Variants in PHF21A observed in about 807,000 individuals in gnomAD.
The protein encoded by PHF21A is PHD finger protein 21A.
In PHF21A, 11 loss-of-function variants were observed where a neutral mutation model predicts 82.5. The observed-to-expected ratio is 0.13, with a 90% CI of 0.08 to 0.22. The LOEUF (loss-of-function observed/expected upper bound fraction) is 0.22. Among genes scored for constraint, PHF21A ranks in the 10% least tolerant of loss-of-function variants. PHF21A has a pLI of 1.00. For missense variants in PHF21A, 579 were observed against 837.8 expected (o/e 0.69, Z 3.81); for synonymous variants, 297 against 302.8 (o/e 0.98, Z 0.20).
intron 18 of PHF21A, chr11:45,934,436 G>A (rs540930082): frequency 1.8e-6 from 1 of 545,120 alleles, no homozygotes; most frequent in South Asian, 2.5e-5. Flanking sequence ...GGGGGTCCCA[G>A]GTCCCAGAGG....
chr11:45,979,252 C>A (rs2094177517), intron 7 of PHF21A, among the ~76,000 whole-genome samples: 1 of 152,098 alleles, frequency 6.6e-6, no homozygotes, highest in South Asian at 2.1e-4. Context: ...CTCCTGACCT[C>A]AAGTGATCTG....
At chr11:45,997,059 C>A (rs2094932250) in intron 6 of PHF21A, among the ~76,000 whole-genome samples, 1 of 152,176 alleles carries the variant, frequency 6.6e-6, no homozygotes, top group Non-Finnish European at 1.5e-5. Flanking sequence ...AAAACTATCA[C>A]AAAATCTTGG....
At chr11:45,998,792 T>C (rs1025314270) in intron 6 of PHF21A, among the ~76,000 whole-genome samples, 2 of 150,318 alleles carry the variant, frequency 1.3e-5, no homozygotes, top group African/African-American at 4.9e-5. Flanking sequence ...GATGCTGGGA[T>C]TACAGGCATG....
chr11:45,979,997 A>T, intron 6 of PHF21A, 31 bp from the exon 7 acceptor site: 1 of 1,613,474 alleles, frequency 6.2e-7, no homozygotes. Context: ...GAAATAAAAG[A>T]TATTAGAATA....
Position 45,935,508 on chromosome 11 carries a change from A to G in PHF21A, c.1788+128T>C, listed in dbSNP as rs1253010701. 3 of 697,082 alleles carry G rather than the reference A, an allele frequency of 4.3e-6. No individual in the cohort carries two copies. The African/African-American group carries it at 5.3e-5, about 12-fold the overall frequency. The allele number at this position is 697,082 out of a possible 1,614,324, so 43.2% of individuals were successfully genotyped here. A position where few individuals can be genotyped will look rare whatever the true frequency, so the allele number is the denominator to read the frequency against. On this transcript the variant is annotated intron_variant, in intron 18 of 18. Coordinates refer to ENST00000676320, the MANE Select transcript of PHF21A (RefSeq NM_001352027.3). ...ACTGGATGGCAAACTGCATTTGCCC[A>G]AGTTAATCACGTTAATAAACAGAAG...
chr11:46,050,164 T>C (rs1013378134), intron 6 of PHF21A, among the ~76,000 whole-genome samples: 16 of 152,230 alleles, frequency 1.1e-4, no homozygotes, highest in Non-Finnish European at 2.2e-4. Context: ...TGTTGGGACA[T>C]TTGCCTCCTT....
chr11:46,093,310 T>C (rs1332091877), intron 1 of PHF21A, among the ~76,000 whole-genome samples: 1 of 152,198 alleles, frequency 6.6e-6, no homozygotes, highest in Non-Finnish European at 1.5e-5. Flanking sequence ...ATTACTCCAA[T>C]AGTGTCTCAT....
chr11:46,069,409 C>T (rs1405032183), intron 6 of PHF21A, among the ~76,000 whole-genome samples: 1 of 152,160 alleles, frequency 6.6e-6, no homozygotes, highest in Non-Finnish European at 1.5e-5. Context: ...GAGAAGATTT[C>T]TAAGACAATA....
chr11:46,007,684 T>C (rs2095327579), intron 6 of PHF21A, among the ~76,000 whole-genome samples: 2 of 152,220 alleles, frequency 1.3e-5, no homozygotes, highest in South Asian at 2.1e-4. Flanking sequence ...AGCATGAATA[T>C]TAAATCCGTC....
intron 6 of PHF21A, among the ~76,000 whole-genome samples, chr11:46,001,685 T>C (rs2095136402): frequency 6.6e-6 from 1 of 152,202 alleles, no homozygotes; most frequent in Admixed American, 6.5e-5. Context: ...AAAGGCTGTG[T>C]GCATCAGAGT....
rs143948529 is a variant in PHF21A at position 46,073,699 on chromosome 11, A to G, written c.153+3055T>C. On this transcript the variant is annotated intron_variant, in intron 6 of 18. Transcript: ENST00000676320. ...CATAAAGTTGTGTATACTCTCACTT[A>G]TTATTTCAGAGCACATTCCTGTATC... is the stretch of plus-strand genomic sequence containing the variant. Among the ~76,000 whole-genome samples the G allele has an allele frequency of 5.4e-3, 826 of 152,310 alleles. 5 individuals are homozygous for G. The highest frequency in any genetic ancestry group is 0.019 in the African/African-American group (780 of 41,558).
chr11:46,057,295 G>A (rs540267166), intron 6 of PHF21A, among the ~76,000 whole-genome samples: 1 of 152,238 alleles, frequency 6.6e-6, no homozygotes, highest in South Asian at 2.1e-4. Context: ...TTTTATGGGA[G>A]AGAGTTTCCC....
intron 6 of PHF21A, among the ~76,000 whole-genome samples, chr11:46,029,556 C>T (rs539215243): frequency 2.4e-4 from 37 of 151,948 alleles, no homozygotes; most frequent in South Asian, 1.0e-3. Context: ...GGCGTGGTAG[C>T]GCATGTCTGT....
chr11:46,111,605 A>C (rs2097215029), intron 1 of PHF21A, among the ~76,000 whole-genome samples: 1 of 152,232 alleles, frequency 6.6e-6, no homozygotes, highest in African/African-American at 2.4e-5. Flanking sequence ...TGGCTAAGCA[A>C]GTAAGAAAGG....
intron 15 of PHF21A, among the ~76,000 whole-genome samples, chr11:45,940,347 C>G (rs1439441186): frequency 2.6e-5 from 4 of 152,070 alleles, no homozygotes; most frequent in African/African-American, 9.7e-5. Flanking sequence ...AGGCGCCCAC[C>G]ACCACGCCTG....
chr11:45,992,927 G>A (rs2094767312), intron 6 of PHF21A, among the ~76,000 whole-genome samples: 1 of 152,176 alleles, frequency 6.6e-6, no homozygotes, highest in Non-Finnish European at 1.5e-5. Flanking sequence ...CTGAACCGCA[G>A]CTACCTCAAG....
At chr11:45,995,788 C>A (rs1290787982) in intron 6 of PHF21A, among the ~76,000 whole-genome samples, 1 of 151,964 alleles carries the variant, frequency 6.6e-6, no homozygotes, top group Non-Finnish European at 1.5e-5. Flanking sequence ...CATGTGTAGA[C>A]AAAAACAAAC....
intron 6 of PHF21A, among the ~76,000 whole-genome samples, chr11:45,987,743 T>C (rs1565418619): frequency 1.3e-5 from 2 of 151,160 alleles, no homozygotes; most frequent in African/African-American, 2.4e-5. Flanking sequence ...GGCTATTAAT[T>C]TGTAAATTAA....
intron 6 of PHF21A, among the ~76,000 whole-genome samples, chr11:45,986,244 T>C (rs563509808): frequency 2.0e-5 from 3 of 152,248 alleles, no homozygotes; most frequent in African/African-American, 7.2e-5. Flanking sequence ...CTGATTGAAA[T>C]GCAGTTTTCT....
Sources: allele counts gnomAD v4.1 joint callset (sites outside exome capture counted in the v4.1 genomes callset), GRCh38; gene constraint gnomAD v4.1.1; transcripts MANE v1.5; gene names NCBI Gene and HGNC (gene_info 2026-07-23, HGNC 2026-07-21).